TRPM3: variants seen among roughly 807,000 people sequenced by gnomAD.
The protein encoded by TRPM3 is transient receptor potential cation channel subfamily M member 3, also known as long transient receptor potential channel 3.
Under a neutral mutation model 181.2 loss-of-function variants are expected in TRPM3, and 77 were observed. That is an observed-to-expected ratio of 0.42 (90% CI 0.35 to 0.51). The LOEUF is 0.51. Among genes scored for constraint, TRPM3 ranks in the 20% least tolerant of loss-of-function variants. TRPM3 has a pLI of 0.01. For synonymous variants in TRPM3, 745 were observed against 796.4 expected (o/e 0.94, Z 1.09); for missense variants, 1,759 against 2,196.7 (o/e 0.80, Z 3.98).
intron 1 of TRPM3, among the ~76,000 whole-genome samples, chr9:71,141,244 T>C (rs2075083416): frequency 6.6e-6 from 1 of 152,170 alleles, no homozygotes; most frequent in African/African-American, 2.4e-5. Context: ...ATTTGAACAA[T>C]AATCAATGTA....
intron 1 of TRPM3, among the ~76,000 whole-genome samples, chr9:71,344,013 GTTAGATTAGATTAGA>G (rs78208290): frequency 4.7e-5 from 7 of 150,018 alleles, no homozygotes; most frequent in East Asian, 3.9e-4. Context: ...ATTATTCCAT[GTTAGATTAGATTAGA>G]TTAGATTAGA....
intron 1 of TRPM3, among the ~76,000 whole-genome samples, chr9:70,944,161 TTGG>T (rs1184079268): frequency 1.3e-5 from 2 of 152,196 alleles, no homozygotes; most frequent in Non-Finnish European, 2.9e-5. Context: ...GCCTCTGATC[TTGG>T]TGGCAGAACA....
In TRPM3 at chr9:71,270,018, T is replaced by G. The variant is rs187973913; in HGVS notation, c.183+176635A>C. On this transcript the variant is annotated intron_variant, in intron 1 of 24. Transcript: ENST00000357533. ...TTCTTTCTGTTTAGTATTGCAATTT[T>G]ACAGGTCATATCCGGTTCTTTTCTC... is the stretch of plus-strand genomic sequence containing the variant. 3.3e-5 allele frequency among the ~76,000 whole-genome samples: 5 copies of G among 152,344 alleles called. No homozygotes were observed. In the East Asian group the frequency reaches 9.6e-4, roughly 29 times the overall value.
chr9:71,325,061 C>A (rs2089563735), intron 1 of TRPM3, among the ~76,000 whole-genome samples: 1 of 152,016 alleles, frequency 6.6e-6, no homozygotes, highest in South Asian at 2.1e-4. Flanking sequence ...TAACAAAAAT[C>A]TATTGTACTC....
intron 1 of TRPM3, among the ~76,000 whole-genome samples, chr9:71,140,734 T>C (rs960206195): frequency 4.6e-5 from 7 of 152,172 alleles, no homozygotes; most frequent in Admixed American, 4.6e-4. Flanking sequence ...AGGGTAAAGA[T>C]AAACAAGGCT....
chr9:71,094,494 G>A (rs2066772944), intron 1 of TRPM3, among the ~76,000 whole-genome samples: 1 of 151,982 alleles, frequency 6.6e-6, no homozygotes, highest in South Asian at 2.1e-4. Context: ...ATTTCTATAT[G>A]TTGTGTTCTG....
At chr9:71,307,029 T>C (rs918030662) in intron 1 of TRPM3, among the ~76,000 whole-genome samples, 4 of 152,248 alleles carry the variant, frequency 2.6e-5, no homozygotes, top group African/African-American at 9.6e-5. Context: ...AGTTTTTTAC[T>C]GCAGTTGCTC....
chr9:70,862,869 A>G, intron 3 of TRPM3, 39 bp downstream of exon 3: 5 of 1,600,848 alleles, frequency 3.1e-6, no homozygotes, highest in Non-Finnish European at 4.3e-6. Context: ...TTGAGACTTG[A>G]GATAGCATTT....
At chr9:71,241,432 T>C (rs539280175) in intron 1 of TRPM3, among the ~76,000 whole-genome samples, 1 of 135,922 alleles carries the variant, frequency 7.4e-6, no homozygotes, top group East Asian at 2.2e-4. Flanking sequence ...CACTCATAGG[T>C]GGGAATTGAA....
chr9:71,072,957 G>T (rs1336727572), intron 1 of TRPM3, among the ~76,000 whole-genome samples: 1 of 152,176 alleles, frequency 6.6e-6, no homozygotes, highest in Non-Finnish European at 1.5e-5. Flanking sequence ...AAAAAGAAGG[G>T]CTGAAGAAGC....
intron 1 of TRPM3, among the ~76,000 whole-genome samples, chr9:71,300,269 T>C (rs1057503787): frequency 2.3e-4 from 35 of 152,112 alleles, no homozygotes; most frequent in African/African-American, 7.2e-4. Flanking sequence ...ACTTTCAAAA[T>C]GCATGAATCT....
chr9:70,785,638 C>T (rs1489398736), intron 6 of TRPM3, among the ~76,000 whole-genome samples: 1 of 152,080 alleles, frequency 6.6e-6, no homozygotes, highest in African/African-American at 2.4e-5. Context: ...AAACTGCTTC[C>T]CCGTAATGAG....
At chr9:70,918,103 C>G (rs538445854) in intron 1 of TRPM3, among the ~76,000 whole-genome samples, 1 of 152,112 alleles carries the variant, frequency 6.6e-6, no homozygotes, top group Non-Finnish European at 1.5e-5. Flanking sequence ...TTGCACCCAA[C>G]ACTGCAGCAC....
At chr9:70,903,518 A>G (rs1394776317) in intron 1 of TRPM3, among the ~76,000 whole-genome samples, 2 of 151,930 alleles carry the variant, frequency 1.3e-5, no homozygotes, top group Non-Finnish European at 2.9e-5. Flanking sequence ...TTTTTTTTTA[A>G]TCCTGTAAAA....
intron 6 of TRPM3, among the ~76,000 whole-genome samples, chr9:70,800,202 G>A (rs747499085): frequency 1.6e-4 from 24 of 152,140 alleles, no homozygotes; most frequent in Non-Finnish European, 3.4e-4. Flanking sequence ...GTTAAAAAAG[G>A]TCATTACAAA....
chr9:70,803,759 T>TG (rs1158547148), intron 6 of TRPM3, among the ~76,000 whole-genome samples: 1 of 149,242 alleles, frequency 6.7e-6, no homozygotes, highest in East Asian at 2.0e-4. Flanking sequence ...CGAGCTCCCC[T>TG]TTTTTACCTA....
intron 9 of TRPM3, among the ~76,000 whole-genome samples, chr9:70,678,688 G>A (rs142361343): frequency 1.2e-4 from 19 of 152,206 alleles, no homozygotes; most frequent in Non-Finnish European, 1.9e-4. Context: ...CTCAGATTCC[G>A]CAGAATAAAA....
chr9:70,668,185 G>C (rs1444185487), intron 9 of TRPM3, among the ~76,000 whole-genome samples: 2 of 152,116 alleles, frequency 1.3e-5, no homozygotes, highest in African/African-American at 4.8e-5. Context: ...AGAATGCAGA[G>C]CAAGTGTCCT....
chr9:70,787,756 T>A (rs867446034), intron 6 of TRPM3, among the ~76,000 whole-genome samples: 3,744 of 142,950 alleles, frequency 0.026, 90 homozygotes, highest in Middle Eastern at 0.058. Flanking sequence ...CAGGGACTTT[T>A]TGGATTCTTT....
Sources: gnomAD v4.1 joint callset for allele counts (sites outside exome capture counted in the v4.1 genomes callset) on GRCh38, gnomAD v4.1.1 for gene constraint, MANE v1.5 for transcripts, NCBI Gene and HGNC (gene_info 2026-07-23, HGNC 2026-07-21) for gene names.